LMNB1: variants seen among roughly 807,000 people sequenced by gnomAD.
The protein encoded by LMNB1 is lamin-B1.
LMNB1 carries 23 observed loss-of-function variants against 67.1 expected under a neutral mutation model. The observed-to-expected ratio is 0.34, with a 90% CI of 0.25 to 0.49. The LOEUF is 0.49. Ranked by LOEUF, LMNB1 falls within the 20% of genes least tolerant of loss-of-function variation. LMNB1 has a pLI of 0.99. For missense variants in LMNB1, 634 were observed against 746.5 expected (o/e 0.85, Z 1.76); for synonymous variants, 281 against 282.9 (o/e 0.99, Z 0.07).
intron 1 of LMNB1, among the ~76,000 whole-genome samples, chr5:126,799,326 T>C (rs1726122116): frequency 6.6e-6 from 1 of 152,234 alleles, no homozygotes; most frequent in South Asian, 2.1e-4. Flanking sequence ...TGCATTGACT[T>C]TTTCACTGTT....
chr5:126,807,485 A>G (rs1751472262), intron 3 of LMNB1, among the ~76,000 whole-genome samples: 1 of 152,250 alleles, frequency 6.6e-6, no homozygotes, highest in Non-Finnish European at 1.5e-5. Flanking sequence ...TGAAATACTA[A>G]TACTGCTATT....
intron 1 of LMNB1, among the ~76,000 whole-genome samples, chr5:126,787,544 A>ATTTTTTTTTTTTTTTTT (rs1222029249): frequency 2.6e-5 from 2 of 76,298 alleles, no homozygotes; most frequent in African/African-American, 1.1e-4. Flanking sequence ...ATATATATAT[A>ATTTTTTTTTTTTTTTTT]TATTTTTTTT....
intron 1 of LMNB1, among the ~76,000 whole-genome samples, chr5:126,798,524 C>T (rs1027808040): frequency 6.6e-6 from 1 of 152,126 alleles, no homozygotes; most frequent in Non-Finnish European, 1.5e-5. Context: ...TGGGTGTAAC[C>T]TTAAGAATTT....
chr5:126,828,208 G>C (rs1265600848), intron 9 of LMNB1, among the ~76,000 whole-genome samples: 2 of 152,180 alleles, frequency 1.3e-5, no homozygotes, highest in Non-Finnish European at 2.9e-5. Context: ...TGTTAAGAGT[G>C]GTGATTGGCT....
rs1357886896 is a variant in LMNB1, at chr5:126,805,497, T to A, written c.517-74T>A. 6 of 981,954 alleles carry A rather than the reference T, an allele frequency of 6.1e-6. No homozygotes were observed. The East Asian group carries it at 1.2e-4, about 20-fold the overall frequency. 60.8% of individuals were successfully genotyped at this position (981,954 alleles called of 1,614,324 possible). ...AATTTTAACACTTGATTTGATTTGA[T>A]TCATAGATATCTTATGTTCATTATT... On this transcript the variant is annotated intron_variant, in intron 2 of 10. Coordinates refer to ENST00000261366, the MANE Select transcript of LMNB1 (RefSeq NM_005573.4).
At chr5:126,803,671 C>T (rs957933448) in intron 1 of LMNB1, among the ~76,000 whole-genome samples, 5 of 152,052 alleles carry the variant, frequency 3.3e-5, no homozygotes, top group Non-Finnish European at 5.9e-5. Flanking sequence ...CTGAGCCTCT[C>T]GAGTAGGTGG....
At chr5:126,819,315 G>T in intron 6 of LMNB1, 173 bp downstream of exon 6, 1 of 537,710 alleles carries the variant, frequency 1.9e-6, no homozygotes, top group African/African-American at 1.9e-5. Context: ...CGCAGAAAAT[G>T]TTGCTCAAGT....
intron 1 of LMNB1, among the ~76,000 whole-genome samples, chr5:126,795,431 C>T (rs929896289): frequency 8.5e-5 from 13 of 152,262 alleles, no homozygotes; most frequent in Admixed American, 1.3e-4. Flanking sequence ...AACCACCGGG[C>T]CTGGCCTCCT....
At chr5:126,782,276 C>T (rs929786058) in intron 1 of LMNB1, among the ~76,000 whole-genome samples, 2 of 152,178 alleles carry the variant, frequency 1.3e-5, no homozygotes, top group African/African-American at 2.4e-5. Context: ...GCCAGATGTG[C>T]TTTGGAAGTT....
At chr5:126,828,606 TCA>T (rs1275965481) in intron 9 of LMNB1, among the ~76,000 whole-genome samples, 3 of 151,868 alleles carry the variant, frequency 2.0e-5, no homozygotes, top group Non-Finnish European at 4.4e-5. Context: ...TGAAGGAGTT[TCA>T]CTCTGTTGCC....
chr5:126,834,686 C>G (rs1752210584), intron 10 of LMNB1, among the ~76,000 whole-genome samples: 1 of 152,168 alleles, frequency 6.6e-6, no homozygotes, highest in Non-Finnish European at 1.5e-5. Flanking sequence ...ACCATCCTGG[C>G]TAACACGGTG....
intron 6 of LMNB1, among the ~76,000 whole-genome samples, chr5:126,820,626 A>C (rs1751842139): frequency 6.6e-6 from 1 of 152,050 alleles, no homozygotes; most frequent in Non-Finnish European, 1.5e-5. Context: ...CCCGGGTTCA[A>C]GCCATTCTCC....
intron 5 of LMNB1, among the ~76,000 whole-genome samples, chr5:126,814,843 G>A (rs912875533): frequency 6.6e-6 from 1 of 152,072 alleles, no homozygotes; most frequent in African/African-American, 2.4e-5. Flanking sequence ...TTAAATGCTG[G>A]GATTACAGGT....
intron 1 of LMNB1, among the ~76,000 whole-genome samples, chr5:126,783,704 A>G (rs955296422): frequency 1.3e-5 from 2 of 152,196 alleles, no homozygotes; most frequent in African/African-American, 2.4e-5. Flanking sequence ...ATAAAGCACT[A>G]TTAAAATATG....
intron 6 of LMNB1, 67 bp from the exon 7 acceptor site, chr5:126,820,843 T>G (rs1751850110): frequency 3.9e-6 from 5 of 1,296,718 alleles, no homozygotes; most frequent in South Asian, 2.6e-5. Flanking sequence ...TTTTTTGTTT[T>G]TTTTTTTTTT....
At chr5:126,833,860 G>T in intron 10 of LMNB1, among the ~76,000 whole-genome samples, 1 of 152,328 alleles carries the variant, frequency 6.6e-6, no homozygotes, top group East Asian at 1.9e-4. Flanking sequence ...TTGAAGGATG[G>T]GTGATTATTT....
At chr5:126,780,926 A>G (rs889330449) in intron 1 of LMNB1, among the ~76,000 whole-genome samples, 10 of 152,174 alleles carry the variant, frequency 6.6e-5, no homozygotes, top group African/African-American at 2.4e-4. Context: ...TATCTATCAC[A>G]TGAATCTGCT....
intron 10 of LMNB1, among the ~76,000 whole-genome samples, chr5:126,833,526 C>T (rs1298863034): frequency 1.3e-5 from 2 of 152,132 alleles, no homozygotes; most frequent in Non-Finnish European, 2.9e-5. Context: ...ATATATTTAA[C>T]CCCCAGGGTT....
chr5:126,801,942 T>G (rs1029198786), intron 1 of LMNB1, among the ~76,000 whole-genome samples: 2 of 152,254 alleles, frequency 1.3e-5, no homozygotes, highest in African/African-American at 4.8e-5. Context: ...ATATGTCTTA[T>G]GACATGTATC....
Sources: gnomAD v4.1 joint callset for allele counts (sites outside exome capture counted in the v4.1 genomes callset) on GRCh38, gnomAD v4.1.1 for gene constraint, MANE v1.5 for transcripts, NCBI Gene and HGNC (gene_info 2026-07-23, HGNC 2026-07-21) for gene names.